CLSPN: variants seen among roughly 807,000 people sequenced by gnomAD.
The protein encoded by CLSPN is claspin homolog.
CLSPN carries 85 observed loss-of-function variants against 156.3 expected under a neutral mutation model. The ratio of observed to expected loss-of-function variants is 0.54; its 90% confidence interval spans 0.46 to 0.65. The LOEUF (loss-of-function observed/expected upper bound fraction) is 0.65. Among genes scored for constraint, CLSPN ranks in the 30% least tolerant of loss-of-function variants. The pLI is 0.00. For missense variants in CLSPN, 1,407 were observed against 1,554.9 expected (o/e 0.90, Z 1.60); for synonymous variants, 534 against 542.4 (o/e 0.98, Z 0.22).
chr1:35,748,006 T>C lies in CLSPN; in HGVS notation c.2528A>G (p.Tyr843Cys), dbSNP rs550864534. Residue 843 changes from tyrosine (Y) to cysteine (C), a missense_variant, in exon 14 of 25, where the codon TAT becomes TGT. By Grantham distance (194) the Tyr-to-Cys change is radical. Coordinates refer to ENST00000318121, the MANE Select transcript of CLSPN (RefSeq NM_022111.4). Reference protein sequence around the residue: ...SLPIEDSQDLYNASPEPKTLF... With the variant: ...SLPIEDSQDLCNASPEPKTLF... ...TGTCTTAGGCTCTGGGGAGGCGTTATACAGATCCTGGGAATCCTCTATGGG... is the reference window on the plus strand; with the variant it reads ...TGTCTTAGGCTCTGGGGAGGCGTTACACAGATCCTGGGAATCCTCTATGGG... The C allele has an allele frequency of 1.2e-5, 19 of 1,614,214 alleles. No individual in the cohort carries two copies. The South Asian group carries it at 1.8e-4, about 15-fold the overall frequency.
Position 35,733,399 on chromosome 1 carries a change from C to T in CLSPN, c.*3097G>A. ...CGAACTCCTGAGTTCAAGCAATGCA[C>T]CCACCTCAGTCTCCTAAAGTGCTGG... On this transcript the variant is annotated 3_prime_UTR_variant, in exon 25 of 25. Coordinates refer to ENST00000318121, the MANE Select transcript of CLSPN (RefSeq NM_022111.4). 2 of 840,044 alleles carry T rather than the reference C, an allele frequency of 2.4e-6. No homozygotes were observed. The highest frequency in any genetic ancestry group is 2.9e-6 in the Non-Finnish European group (2 of 699,304). The allele number at this position is 840,044 out of a possible 1,614,324, so 52.0% of individuals were successfully genotyped here.
At position 35,753,896 on chromosome 1, in the gene CLSPN, A is replaced by G; in HGVS notation, c.1620T>C (p.Asn540=). Residue 540 remains asparagine, a synonymous_variant, in exon 9 of 25, where the codon AAT becomes AAC. Coordinates refer to ENST00000318121, the MANE Select transcript of CLSPN (RefSeq NM_022111.4). ...ALKQRFWKHA[N]PAAKPRAGQT... ...GACCAGCCCTGGGTTTGGCTGCTGG[A>G]TTAGCATGCTTCCAGAAACGCTGCT... 1 of 1,614,218 alleles carries G rather than the reference A, an allele frequency of 6.2e-7. No individual in the cohort carries two copies. Among genetic ancestry groups the G allele is most frequent in the Non-Finnish European group, 8.5e-7 (1 of 1,180,040 alleles).
Position 35,753,758 on chromosome 1 carries a change from G to T in CLSPN, c.1758C>A (p.Ser586Arg). ...TLAPKKLDGASHTKPGEKLQV... is the reference protein window; with the variant it reads ...TLAPKKLDGARHTKPGEKLQV... ...GGGCTCAAATACCTGGTTTTGTGTG[G>T]CTTGCTCCATCCAACTTCTTAGGTG... The change falls in exon 9 of 25, where the codon AGC becomes AGA. Residue 586 changes from serine to arginine, a missense_variant. Ser to Arg is a moderately radical substitution (Grantham distance 110). This residue lies in a region of CLSPN where 1,096 missense variants were observed against 1,193.0 expected (regional missense o/e 0.92). Coordinates refer to ENST00000318121, the MANE Select transcript of CLSPN (RefSeq NM_022111.4). 1.2e-6 allele frequency: 2 copies of T among 1,614,124 alleles called. No homozygotes were observed. The highest frequency in any genetic ancestry group is 1.7e-6 in the Non-Finnish European group (2 of 1,180,006).
intron 8 of CLSPN, among the ~76,000 whole-genome samples, chr1:35,758,229 G>C (rs933505551): frequency 6.6e-6 from 1 of 151,656 alleles, no homozygotes; most frequent in Non-Finnish European, 1.5e-5. Flanking sequence ...TGGAGTGCAG[G>C]AGTGCAATTT....
In CLSPN at chr1:35,760,836, C is replaced by G; in HGVS notation, c.1085G>C (p.Ser362Thr). 7 of 1,613,938 alleles carry G rather than the reference C, an allele frequency of 4.3e-6. No individual in the cohort carries two copies. The highest frequency in any genetic ancestry group is 5.9e-6 in the Non-Finnish European group (7 of 1,179,980). Residue 362 changes from serine (S) to threonine (T), a missense_variant, in exon 8 of 25, where the codon AGT becomes ACT. Transcript: ENST00000318121. ...ACCTGTTGTCTGCTCAGAACCTTTA[C>G]TATGGTGATCACTGTTCATTTCAGT... is the stretch of plus-strand genomic sequence containing the variant. ...NTTEMNSDHHSKGSEQTTGAE... is the reference protein window; with the variant it reads ...NTTEMNSDHHTKGSEQTTGAE...
At chr1:35,763,010 G>C (rs1388020376) in intron 4 of CLSPN, 150 bp downstream of exon 4, 2 of 522,678 alleles carry the variant, frequency 3.8e-6, no homozygotes, top group Non-Finnish European at 6.2e-6. Context: ...TGTACTGCAA[G>C]TCTCCAAAAT....
chr1:35,730,958 G>A (rs1353975066), downstream of CLSPN, among the ~76,000 whole-genome samples: 1 of 152,052 alleles, frequency 6.6e-6, no homozygotes, highest in Non-Finnish European at 1.5e-5. Context: ...TCCCAGCACT[G>A]TGGGAGGCCA....
chr1:35,758,233 G>A (rs1005822931), intron 8 of CLSPN, among the ~76,000 whole-genome samples: 16 of 151,602 alleles, frequency 1.1e-4, no homozygotes, highest in African/African-American at 3.6e-4. Context: ...GTGCAGGAGT[G>A]CAATTTCAGC....
chr1:35,734,720 A>G lies in CLSPN; in HGVS notation c.*1776T>C, dbSNP rs1641408550. 2 of 968,820 alleles carry G rather than the reference A, an allele frequency of 2.1e-6. No homozygotes were observed. Among genetic ancestry groups the G allele is most frequent in the African/African-American group, 1.8e-5 (1 of 56,854 alleles). 60.0% of individuals were successfully genotyped at this position (968,820 alleles called of 1,614,324 possible). On this transcript the variant is annotated 3_prime_UTR_variant, in exon 25 of 25. Transcript: ENST00000318121. ...AGAAAAGAAAAGAAAAAGAAAAAGA[A>G]AAGAAAAGAAAAACTGTAAAAAACC... is the stretch of plus-strand genomic sequence containing the variant.
intron 24 of CLSPN, among the ~76,000 whole-genome samples, chr1:35,726,731 G>A (rs149627974): frequency 2.0e-5 from 3 of 152,324 alleles, no homozygotes; most frequent in African/African-American, 7.2e-5. Context: ...TCTATTGTGG[G>A]TGGTAAGTGT....
intron 4 of CLSPN, 122 bp downstream of exon 4, chr1:35,763,038 A>T: frequency 1.4e-6 from 1 of 702,062 alleles, no homozygotes; most frequent in Non-Finnish European, 2.1e-6. Flanking sequence ...TGAAACACTT[A>T]AGTCAACTGA....
At chr1:35,752,582 G>GAAAAAAAAAAAAAAAAAAAA (rs58271996) in intron 9 of CLSPN, among the ~76,000 whole-genome samples, 3 of 67,900 alleles carry the variant, frequency 4.4e-5, no homozygotes, top group Non-Finnish European at 5.9e-5. Context: ...TGTCTTAGAG[G>GAAAAAAAAAAAAAAAAAAAA]AAAAAAAAAA....
rs774143664 is a variant in CLSPN, at chr1:35,747,896, A to G, written c.2627+11T>C. 1 of 1,609,070 alleles carries G rather than the reference A, an allele frequency of 6.2e-7. No homozygotes were observed. The highest frequency in any genetic ancestry group is 1.1e-5 in the South Asian group (1 of 90,040). On this transcript the variant is annotated intron_variant, in intron 14 of 24. Coordinates refer to ENST00000318121, the MANE Select transcript of CLSPN (RefSeq NM_022111.4). ...CACCATTCCCGCCCACAGAAACACAAAACTACCTACCCATCTGCATCCAAC... is the reference window on the plus strand; with the variant it reads ...CACCATTCCCGCCCACAGAAACACAGAACTACCTACCCATCTGCATCCAAC...
At chr1:35,723,905 T>C (rs1641125145) in intron 24 of CLSPN, among the ~76,000 whole-genome samples, 1 of 152,124 alleles carries the variant, frequency 6.6e-6, no homozygotes, top group South Asian at 2.1e-4. Flanking sequence ...GCACGAGAAC[T>C]GCTTGAACTT....
chr1:35,728,614 C>A (rs1191754939), downstream of CLSPN, among the ~76,000 whole-genome samples: 1 of 152,050 alleles, frequency 6.6e-6, no homozygotes, highest in Non-Finnish European at 1.5e-5. Context: ...GGACAAGAAG[C>A]ACAGGTTTCT....
rs201356504 is a variant in CLSPN at position 35,739,472 on chromosome 1, G to A, written c.3201C>T (p.Ser1067=). The A allele has an allele frequency of 1.4e-5, 22 of 1,613,636 alleles. No individual in the cohort carries two copies. The African/African-American group carries it at 1.5e-4, about 11-fold the overall frequency. The change falls in exon 19 of 25, where the codon AGC becomes AGT. Residue 1067 remains serine, a synonymous_variant. Coordinates refer to ENST00000318121, the MANE Select transcript of CLSPN (RefSeq NM_022111.4). ...TTTCTTCCCCATCATACTCATCTTCGCTTCCCACATCACTTCCTGACACCT... is the reference window on the plus strand; with the variant it reads ...TTTCTTCCCCATCATACTCATCTTCACTTCCCACATCACTTCCTGACACCT... The part of the protein sequence containing the change: ...EAEVSGSDVG[S]EDEYDGEEID...
chr1:35,731,097 G>A (rs1641305447), downstream of CLSPN, among the ~76,000 whole-genome samples: 1 of 151,922 alleles, frequency 6.6e-6, no homozygotes, highest in Non-Finnish European at 1.5e-5. Context: ...CTACTTGGGA[G>A]GCTGGGGCAG....
In CLSPN at chr1:35,745,556, G is replaced by A. The variant is rs747801015; in HGVS notation, c.2861C>T (p.Ser954Phe). 4.1e-5 allele frequency: 66 copies of A among 1,607,558 alleles called. No individual in the cohort carries two copies. The highest frequency in any genetic ancestry group is 5.3e-5 in the Non-Finnish European group (62 of 1,174,210). ...CSGKFTSQDA[S>F]TPASSELNKQ... ...ATTTAACTCTGATGAGGCTGGAGTGGAGGCATCTACATCACAACAAGGAAA... is the reference window on the plus strand; with the variant it reads ...ATTTAACTCTGATGAGGCTGGAGTGAAGGCATCTACATCACAACAAGGAAA... Residue 954 changes from serine to phenylalanine, a missense_variant, in exon 16 of 25, where the codon TCC becomes TTC. By Grantham distance (155) the Ser-to-Phe change is radical. This residue lies in a region of CLSPN where 1,096 missense variants were observed against 1,193.0 expected (regional missense o/e 0.92). Coordinates refer to ENST00000318121, the MANE Select transcript of CLSPN (RefSeq NM_022111.4).
intron 4 of CLSPN, 94 bp downstream of exon 4, chr1:35,763,065 GT>G: frequency 1.9e-6 from 2 of 1,068,562 alleles, no homozygotes; most frequent in Non-Finnish European, 2.5e-6. Flanking sequence ...TTTTTCTTCA[GT>G]TAAAAAAAAA....
Sources: allele counts gnomAD v4.1 joint callset (sites outside exome capture counted in the v4.1 genomes callset), GRCh38; gene constraint gnomAD v4.1.1; regional missense constraint gnomAD v4.1.1; transcripts MANE v1.5; gene names NCBI Gene and HGNC (gene_info 2026-07-23, HGNC 2026-07-21).